The following PGBD5 variants were observed in gnomAD, a reference collection of about 807,000 sequenced individuals.
The protein encoded by PGBD5 is piggyBac transposable element derived 5, also known as piggyBac transposable element-derived protein 5.
In PGBD5, 14 loss-of-function variants were observed where a neutral mutation model predicts 47.9. The ratio of observed to expected loss-of-function variants is 0.29; its 90% CI spans 0.19 to 0.46. PGBD5 has a LOEUF of 0.46. PGBD5 is among the 20% of genes least tolerant of loss of function. The pLI is 1.00. For synonymous variants in PGBD5, 316 were observed against 306.3 expected, an observed-to-expected ratio of 1.03 and a Z score of -0.33; for missense variants, 635 against 716.0, an observed-to-expected ratio of 0.89 and a Z score of 1.29.
intron 1 of PGBD5, among the ~76,000 whole-genome samples, chr1:230,399,982 T>C (rs1657094613): frequency 6.6e-6 from 1 of 152,166 alleles, no homozygotes; most frequent in Non-Finnish European, 1.5e-5. Flanking sequence ...ACTCACAGCA[T>C]CTCTTTAAAA....
intron 3 of PGBD5, among the ~76,000 whole-genome samples, chr1:230,340,228 T>A (rs1667389198): frequency 6.6e-6 from 1 of 152,186 alleles, no homozygotes; most frequent in Admixed American, 6.5e-5. Context: ...GTTAAAAGGA[T>A]TTATATATAA....
intron 1 of PGBD5, among the ~76,000 whole-genome samples, chr1:230,407,859 A>G (rs527528843): frequency 2.0e-5 from 3 of 152,334 alleles, no homozygotes; most frequent in East Asian, 3.9e-4. Flanking sequence ...ATTTACTCCT[A>G]AAAATATTCA....
intron 1 of PGBD5, among the ~76,000 whole-genome samples, chr1:230,397,669 C>T (rs1454231927): frequency 1.3e-5 from 2 of 152,232 alleles, no homozygotes; most frequent in African/African-American, 4.8e-5. Flanking sequence ...AATGCCTGGG[C>T]ATACACAGAG....
chr1:230,337,549 AATGGG>A (rs1349409031), intron 3 of PGBD5, among the ~76,000 whole-genome samples: 1 of 152,202 alleles, frequency 6.6e-6, no homozygotes, highest in Non-Finnish European at 1.5e-5. Flanking sequence ...AGCCATGGGT[AATGGG>A]ATGGTGCAAA....
rs1276231412 is a variant in PGBD5, at chr1:230,315,306, G to C, written c.*8119C>G. On this transcript the variant is annotated 3_prime_UTR_variant, in exon 7 of 7. Transcript: ENST00000391860. ...AGGTGCCCTGTGCTAGTGTTGGGCA[G>C]CTCTAAGGTTGGAAACTGCTTTCCC... The C allele has an allele frequency of 2.6e-5, 4 of 152,212 alleles. No homozygotes were observed. Among genetic ancestry groups the C allele is most frequent in the African/African-American group, 9.7e-5 (4 of 41,436 alleles). 9.4% of individuals were successfully genotyped at this position (152,212 alleles called of 1,614,324 possible).
intron 1 of PGBD5, among the ~76,000 whole-genome samples, chr1:230,408,290 C>T (rs1225896618): frequency 1.3e-5 from 2 of 152,040 alleles, no homozygotes; most frequent in African/African-American, 4.8e-5. Flanking sequence ...TAATTGGCTT[C>T]GTCTTGACTT....
intron 1 of PGBD5, among the ~76,000 whole-genome samples, chr1:230,418,265 T>C (rs1383428236): frequency 6.6e-6 from 1 of 152,174 alleles, no homozygotes; most frequent in African/African-American, 2.4e-5. Context: ...ACTTTCGGGT[T>C]TGGAAACAAA....
intron 5 of PGBD5, among the ~76,000 whole-genome samples, chr1:230,331,707 C>A (rs1429267175): frequency 6.6e-6 from 1 of 151,002 alleles, no homozygotes; most frequent in Non-Finnish European, 1.5e-5. Context: ...GTTGCCCAGG[C>A]TGGTCTTGAA....
At chr1:230,377,076 GGTCA>G (rs1238974032) in intron 1 of PGBD5, among the ~76,000 whole-genome samples, 2 of 152,198 alleles carry the variant, frequency 1.3e-5, no homozygotes, top group East Asian at 3.9e-4. Context: ...GCAGAGCAGA[GGTCA>G]GTCTGGCTGG....
intron 1 of PGBD5, among the ~76,000 whole-genome samples, chr1:230,375,522 A>G (rs1667997590): frequency 1.3e-5 from 2 of 152,176 alleles, no homozygotes; most frequent in African/African-American, 2.4e-5. Context: ...TTTCTGTTGG[A>G]CTGGATGCTT....
intron 1 of PGBD5, among the ~76,000 whole-genome samples, chr1:230,366,052 A>G (rs997916839): frequency 3.3e-5 from 5 of 152,248 alleles, no homozygotes; most frequent in African/African-American, 9.6e-5. Flanking sequence ...TGCCAACAGA[A>G]AGCCCCATTG....
chr1:230,351,572 T>C (rs1667561247), intron 2 of PGBD5, among the ~76,000 whole-genome samples: 1 of 152,148 alleles, frequency 6.6e-6, no homozygotes, highest in South Asian at 2.1e-4. Context: ...AACTGAAACC[T>C]AGGGATGTGA....
At chr1:230,383,461 C>T (rs990084877) in intron 1 of PGBD5, among the ~76,000 whole-genome samples, 44 of 152,220 alleles carry the variant, frequency 2.9e-4, no homozygotes, top group African/African-American at 1.0e-3. Context: ...AACTCCTGGG[C>T]TCAGGCGATC....
At chr1:230,339,139 G>A (rs1027868909) in intron 3 of PGBD5, among the ~76,000 whole-genome samples, 2 of 152,226 alleles carry the variant, frequency 1.3e-5, no homozygotes, top group Non-Finnish European at 2.9e-5. Context: ...CTATGCATCT[G>A]AAGAACTGCA....
chr1:230,384,651 A>G (rs1384564826), intron 1 of PGBD5, among the ~76,000 whole-genome samples: 1 of 152,206 alleles, frequency 6.6e-6, no homozygotes, highest in Non-Finnish European at 1.5e-5. Flanking sequence ...AACCCATTCA[A>G]GGCCACACAG....
intron 5 of PGBD5, among the ~76,000 whole-genome samples, chr1:230,325,996 A>G (rs1667110592): frequency 2.0e-5 from 3 of 152,206 alleles, no homozygotes; most frequent in Admixed American, 2.0e-4. Flanking sequence ...ATCCTTTAAT[A>G]AATCCCCCGA....
In PGBD5 at chr1:230,323,070, A is replaced by G. The variant is rs1667059876; in HGVS notation, c.*355T>C. ...TCTTTAGGAAGCAGGCATCTCTCTT[A>G]GAGCGTGCTCCAGCTCATTCTACCA... is the stretch of plus-strand genomic sequence containing the variant. On this transcript the variant is annotated 3_prime_UTR_variant, in exon 7 of 7. Coordinates refer to ENST00000391860, the MANE Select transcript of PGBD5 (RefSeq NM_001258311.2). The surrounding 1 kb of genome is among the most constrained non-coding windows in gnomAD (Gnocchi z 4.1). The G allele has an allele frequency of 4.0e-6, 1 of 252,966 alleles. No homozygotes were observed. Among genetic ancestry groups the G allele is most frequent in the African/African-American group, 2.2e-5 (1 of 45,344 alleles). 15.7% of individuals were successfully genotyped at this position (252,966 alleles called of 1,614,324 possible). A position where few individuals can be genotyped will look rare whatever the true frequency, so the allele number is the denominator to read the frequency against.
intron 1 of PGBD5, among the ~76,000 whole-genome samples, chr1:230,402,169 C>T (rs1657153236): frequency 6.6e-6 from 1 of 152,162 alleles, no homozygotes; most frequent in South Asian, 2.1e-4. Flanking sequence ...TATTCTGTAA[C>T]CACATTTCTT....
At chr1:230,387,359 G>A (rs575560140) in intron 1 of PGBD5, among the ~76,000 whole-genome samples, 1 of 152,290 alleles carries the variant, frequency 6.6e-6, no homozygotes, top group Admixed American at 6.5e-5. Context: ...TACTTATTAA[G>A]GAGTCAGCAT....
Sources: allele counts gnomAD v4.1 joint callset (sites outside exome capture counted in the v4.1 genomes callset), GRCh38; gene constraint gnomAD v4.1.1; non-coding constraint Gnocchi (gnomAD v3.1); transcripts MANE v1.5; gene names NCBI Gene and HGNC (gene_info 2026-07-23, HGNC 2026-07-21).